The following SNX29 variants were observed in gnomAD, a reference collection of about 807,000 sequenced individuals.
SNX29 encodes the protein sorting nexin 29.
In SNX29, 78 loss-of-function variants were observed where a neutral mutation model predicts 102.1. The ratio of observed to expected loss-of-function variants is 0.76; its 90% CI spans 0.64 to 0.92. SNX29 has a LOEUF of 0.92. Ranked by LOEUF, SNX29 falls within the 40% of genes least tolerant of loss-of-function variation. The pLI is 0.00. For synonymous variants in SNX29, 580 were observed against 414.5 expected (o/e 1.40, Z -4.85); for missense variants, 1,280 against 1,061.7 (o/e 1.21, Z -2.86).
chr16:12,540,426 C>G (rs916140448), intron 20 of SNX29, among the ~76,000 whole-genome samples: 5 of 152,216 alleles, frequency 3.3e-5, no homozygotes, highest in African/African-American at 4.8e-5. Context: ...GATTTATTCT[C>G]CAGCTGCTGT....
intron 15 of SNX29, among the ~76,000 whole-genome samples, chr16:12,314,470 G>A (rs984506652): frequency 3.9e-5 from 6 of 152,226 alleles, no homozygotes; most frequent in African/African-American, 9.6e-5. Context: ...GGCCTCAGCC[G>A]AGTTCCCTAG....
At chr16:12,496,978 C>A (rs904604532) in intron 19 of SNX29, among the ~76,000 whole-genome samples, 1 of 152,186 alleles carries the variant, frequency 6.6e-6, no homozygotes, top group Non-Finnish European at 1.5e-5. Context: ...CTGCCCCTCA[C>A]CACTGTTGGG....
intron 18 of SNX29, among the ~76,000 whole-genome samples, chr16:12,461,754 C>G (rs747062407): frequency 6.6e-6 from 1 of 151,254 alleles, no homozygotes; most frequent in Non-Finnish European, 1.5e-5. Context: ...GTCGGAAGTT[C>G]AAGACCAGCT....
intron 14 of SNX29, among the ~76,000 whole-genome samples, chr16:12,204,096 G>C (rs2141995301): frequency 6.6e-6 from 1 of 152,298 alleles, no homozygotes; most frequent in African/African-American, 2.4e-5. Flanking sequence ...TAGTCAGCTT[G>C]TTTCCACATA....
intron 20 of SNX29, among the ~76,000 whole-genome samples, chr16:12,542,272 G>A (rs963811306): frequency 7.6e-5 from 9 of 118,506 alleles, no homozygotes; most frequent in Non-Finnish European, 1.7e-4. Flanking sequence ...ATTGAGGCAT[G>A]GAGAAATGGA....
intron 19 of SNX29, among the ~76,000 whole-genome samples, chr16:12,495,000 G>A (rs897691802): frequency 2.0e-5 from 3 of 152,160 alleles, no homozygotes; most frequent in East Asian, 1.9e-4. Context: ...CCCTGGGGCC[G>A]AGGAGTTAGC....
At chr16:12,563,958 G>GGA (rs2078876759) in intron 20 of SNX29, among the ~76,000 whole-genome samples, 2 of 151,762 alleles carry the variant, frequency 1.3e-5, no homozygotes, top group Non-Finnish European at 2.9e-5. Flanking sequence ...AGAAAGACGA[G>GGA]GAAGGGCTTT....
At chr16:12,251,980 C>T (rs909942664) in intron 14 of SNX29, among the ~76,000 whole-genome samples, 3 of 152,020 alleles carry the variant, frequency 2.0e-5, no homozygotes, top group African/African-American at 7.2e-5. Context: ...AGGCTGGTGT[C>T]GAACTCCTGG....
intron 20 of SNX29, among the ~76,000 whole-genome samples, chr16:12,539,144 A>G (rs558042504): frequency 1.4e-4 from 21 of 152,274 alleles, no homozygotes; most frequent in Non-Finnish European, 2.2e-4. Flanking sequence ...ACACAGTGCA[A>G]TTGACTTTTG....
chr16:12,519,715 G>A lies in SNX29; in HGVS notation c.2179-4987G>A, dbSNP rs747812207. Among the ~76,000 whole-genome samples the A allele has an allele frequency of 3.5e-4, 54 of 152,168 alleles. 1 individual carries two copies. Among genetic ancestry groups the A allele is most frequent in the Non-Finnish European group, 3.5e-4 (24 of 68,034 alleles). ...CTTATTTAAAATTTTTCAGCAATCC[G>A]TGATGTCTCACACCTGTAATTCCAG... is the stretch of plus-strand genomic sequence containing the variant. On this transcript the variant is annotated intron_variant, in intron 19 of 20. Transcript: ENST00000566228.
At chr16:12,552,367 T>C (rs1004462658) in intron 20 of SNX29, among the ~76,000 whole-genome samples, 2 of 152,160 alleles carry the variant, frequency 1.3e-5, no homozygotes, top group Admixed American at 6.5e-5. Flanking sequence ...CCAATACACG[T>C]GTAAGACAGC....
chr16:12,358,273 G>A (rs942675988), intron 16 of SNX29, among the ~76,000 whole-genome samples: 2 of 152,036 alleles, frequency 1.3e-5, no homozygotes, highest in East Asian at 1.9e-4. Context: ...GTTTTCATCC[G>A]CTGTTCCTGG....
At chr16:12,523,764 C>G (rs989050360) in intron 19 of SNX29, among the ~76,000 whole-genome samples, 1 of 152,176 alleles carries the variant, frequency 6.6e-6, no homozygotes, top group Non-Finnish European at 1.5e-5. Flanking sequence ...CACAGAGCCC[C>G]TGATCACTGA....
intron 16 of SNX29, among the ~76,000 whole-genome samples, chr16:12,393,404 GCATGCATGCATT>G (rs1001615603): frequency 1.4e-5 from 2 of 138,376 alleles, no homozygotes; most frequent in Admixed American, 1.4e-4. Context: ...ATGCATGCAT[GCATGCATGCATT>G]CATTCATTCA....
intron 13 of SNX29, among the ~76,000 whole-genome samples, chr16:12,190,270 G>A (rs1369520363): frequency 2.0e-5 from 3 of 151,798 alleles, no homozygotes; most frequent in Non-Finnish European, 4.4e-5. Flanking sequence ...GACCTTGGCC[G>A]GTCACTGACC....
intron 19 of SNX29, among the ~76,000 whole-genome samples, chr16:12,505,763 CAA>C (rs61113263): frequency 2.0e-4 from 15 of 75,876 alleles, no homozygotes; most frequent in South Asian, 1.7e-3. Context: ...GTCAATTCTG[CAA>C]AAAAAAAAAA....
At chr16:12,057,167 G>C (rs966664336) in intron 8 of SNX29, among the ~76,000 whole-genome samples, 1 of 152,214 alleles carries the variant, frequency 6.6e-6, no homozygotes, top group East Asian at 1.9e-4. Context: ...CGGTAGGGAA[G>C]TAGGGGGAAA....
intron 20 of SNX29, among the ~76,000 whole-genome samples, chr16:12,539,502 C>T (rs1019020964): frequency 2.6e-5 from 4 of 152,116 alleles, no homozygotes; most frequent in Non-Finnish European, 5.9e-5. Context: ...AATAAAGTTG[C>T]GTTGGTTCCA....
At chr16:12,073,885 G>A (rs1377465401) in intron 10 of SNX29, among the ~76,000 whole-genome samples, 2 of 151,846 alleles carry the variant, frequency 1.3e-5, no homozygotes, top group African/African-American at 4.8e-5. Context: ...AGGATAGTTA[G>A]CTCTTCTTGT....
Sources: allele counts gnomAD v4.1 joint callset (sites outside exome capture counted in the v4.1 genomes callset), GRCh38; gene constraint gnomAD v4.1.1; transcripts MANE v1.5; gene names NCBI Gene and HGNC (gene_info 2026-07-23, HGNC 2026-07-21).